Variants in ATP6AP2 observed in about 807,000 individuals in gnomAD.
The protein encoded by ATP6AP2 is ATPase H+ transporting accessory protein 2, also known as renin receptor.
Under a neutral mutation model 23.4 loss-of-function variants are expected in ATP6AP2, and 1 was observed. The ratio of observed to expected loss-of-function variants is 0.04; its 90% CI spans 0.02 to 0.20. The LOEUF is 0.20. Among genes scored for constraint, ATP6AP2 ranks in the 10% least tolerant of loss-of-function variants. The pLI, the probability that ATP6AP2 is intolerant of heterozygous loss-of-function variation, is 1.00. For synonymous variants in ATP6AP2, 90 were observed against 97.1 expected, an observed-to-expected ratio of 0.93 and a Z score of 0.43; for missense variants, 174 against 271.3, an observed-to-expected ratio of 0.64 and a Z score of 2.52.
chrX:40,588,334 GCCC>G (rs58929123), intron 1 of ATP6AP2, among the ~76,000 whole-genome samples: 41 of 12,413 alleles, frequency 3.3e-3, no homozygotes, highest in African/African-American at 6.1e-3. Context: ...TGACATGTAT[GCCC>G]CCCCCCCCCC....
At chrX:40,588,338 C>CG (rs199833085) in intron 1 of ATP6AP2, among the ~76,000 whole-genome samples, 3 of 43,601 alleles carry the variant, frequency 6.9e-5, no homozygotes, top group Middle Eastern at 0.024. Flanking sequence ...ATGTATGCCC[C>CG]CCCCCCCCCC....
intron 1 of ATP6AP2, among the ~76,000 whole-genome samples, chrX:40,588,211 A>G (rs1176986269): frequency 8.0e-5 from 9 of 111,805 alleles, no homozygotes; most frequent in Admixed American, 2.8e-4. Context: ...TCCTTAGACT[A>G]GTTGACTTTA....
chrX:40,583,608 G>A (rs1926384602), intron 1 of ATP6AP2, among the ~76,000 whole-genome samples: 2 of 111,517 alleles, frequency 1.8e-5, no homozygotes, highest in Admixed American at 1.9e-4. Flanking sequence ...TAAGCAGAAG[G>A]GTGAATGATC....
At chrX:40,582,562 G>T in intron 1 of ATP6AP2, among the ~76,000 whole-genome samples, 1 of 111,797 alleles carries the variant, frequency 8.9e-6, no homozygotes, top group Non-Finnish European at 1.9e-5. Flanking sequence ...GAGGTGCGGG[G>T]GTTTTGTGTG....
At chrX:40,597,855 C>T in intron 5 of ATP6AP2, 191 bp downstream of exon 5, 1 of 431,148 alleles carries the variant, frequency 2.3e-6, no homozygotes. Flanking sequence ...CCTTATACTA[C>T]TTGAAATTTT....
rs1450455949 is a variant in ATP6AP2, at chrX:40,591,340, G to C, written c.275G>C (p.Ser92Thr). 1 of 1,211,188 alleles carries C rather than the reference G, an allele frequency of 8.3e-7. No homozygotes were observed. ...AACAAACTGGCTCTACCCCCAGGCA[G>C]TGTCATTTCGTACCCTTTGGAGAAT... Reference protein sequence around the residue: ...GVNKLALPPGSVISYPLENAV... With the variant: ...GVNKLALPPGTVISYPLENAV... Residue 92 changes from serine (S) to threonine (T), a missense_variant, in exon 3 of 9, where the codon AGT becomes ACT. Transcript: ENST00000636580.
At chrX:40,582,282 G>A (rs1424322437) in intron 1 of ATP6AP2, among the ~76,000 whole-genome samples, 2 of 112,119 alleles carry the variant, frequency 1.8e-5, no homozygotes, top group Non-Finnish European at 3.8e-5. Context: ...ATAAAAATTA[G>A]CCGGGTGTGT....
intron 7 of ATP6AP2, 23 bp downstream of exon 7, chrX:40,599,764 A>T: frequency 8.3e-7 from 1 of 1,207,942 alleles, no homozygotes; most frequent in Non-Finnish European, 1.1e-6. Context: ...GCGACATGAG[A>T]GGTTGGAGTA....
At chrX:40,590,257 T>G (rs1252089609) in intron 2 of ATP6AP2, 1 of 112,238 alleles carries the variant, frequency 8.9e-6, no homozygotes, top group East Asian at 2.8e-4. Context: ...CGCTATGTTG[T>G]CCAGGCTGGT....
chrX:40,594,023 A>T (rs917224774), intron 3 of ATP6AP2, among the ~76,000 whole-genome samples: 8 of 111,570 alleles, frequency 7.2e-5, no homozygotes, highest in Admixed American at 9.6e-5. Context: ...TGACTATATT[A>T]AATAATAATG....
chrX:40,606,395 A>G lies in ATP6AP2; in HGVS notation c.*640A>G, dbSNP rs1927070766. 8.9e-5 allele frequency: 10 copies of G among 112,539 alleles called. No homozygotes were observed. Among genetic ancestry groups the G allele is most frequent in the Admixed American group, 8.5e-4 (9 of 10,546 alleles). 9.3% of individuals were successfully genotyped at this position (112,539 alleles called of 1,213,427 possible). The stretch of plus-strand genomic sequence containing the variant: ...AAATACTACATTGATCTAAGAAGAA[A>G]CTAGCCTTGTGGAGTATATAGATGC... On this transcript the variant is annotated 3_prime_UTR_variant, in exon 9 of 9. Transcript: ENST00000636580.
intron 2 of ATP6AP2, chrX:40,589,557 G>T: frequency 8.5e-6 from 1 of 117,287 alleles, no homozygotes; most frequent in Non-Finnish European, 1.7e-5. Context: ...TCTACTTTCT[G>T]GTTTTTTTTT....
At chrX:40,605,040 TCTC>T (rs775431651) in intron 8 of ATP6AP2, 1 of 113,191 alleles carries the variant, frequency 8.8e-6, no homozygotes, top group Non-Finnish European at 1.8e-5. Flanking sequence ...TTCAAGCAGT[TCTC>T]CTGCCTCAGC....
At chrX:40,602,509 G>C (rs1287018654) in intron 8 of ATP6AP2, among the ~76,000 whole-genome samples, 1 of 107,143 alleles carries the variant, frequency 9.3e-6, no homozygotes, top group African/African-American at 3.5e-5. Context: ...AATCAGCCGG[G>C]CGTGGTGGCG....
At chrX:40,593,053 G>T (rs778172277) in intron 3 of ATP6AP2, among the ~76,000 whole-genome samples, 11 of 112,068 alleles carry the variant, frequency 9.8e-5, no homozygotes, top group South Asian at 3.7e-4. Context: ...TCCGAGACCA[G>T]CCTGGCCAAC....
intron 7 of ATP6AP2, 101 bp downstream of exon 7, chrX:40,599,842 A>C (rs920388638): frequency 9.5e-7 from 1 of 1,047,664 alleles, no homozygotes; most frequent in Non-Finnish European, 1.3e-6. Context: ...TTGAACTCTT[A>C]TTTGCCTTCT....
At chrX:40,595,244 A>G (rs977687903) in intron 3 of ATP6AP2, among the ~76,000 whole-genome samples, 1 of 112,168 alleles carries the variant, frequency 8.9e-6, no homozygotes, top group Middle Eastern at 4.6e-3. Flanking sequence ...TGGCTGCTCA[A>G]TGCTTTTCCT....
At chrX:40,596,919 C>T in intron 3 of ATP6AP2, 1 of 177,877 alleles carries the variant, frequency 5.6e-6, no homozygotes, top group Non-Finnish European at 1.1e-5. Context: ...TTCATCGTGG[C>T]ACATTTAGTC....
Position 40,591,287 on chromosome X carries a change from T to G in ATP6AP2, c.222T>G (p.Ala74=), listed in dbSNP as rs771044157. The change falls in exon 3 of 9, where the codon GCT becomes GCG. Residue 74 remains alanine, a synonymous_variant. Coordinates refer to ENST00000636580, the MANE Select transcript of ATP6AP2 (RefSeq NM_005765.3). ...AVGNLFHRPR[A]TVMVMVKGVN... ...GTAACCTGTTTCATCGTCCTCGGGC[T>G]ACCGTCATGGTGATGGTGAAGGGAG... 3.3e-6 allele frequency: 4 copies of G among 1,209,316 alleles called. No individual in the cohort carries two copies. The African/African-American group carries it at 5.2e-5, about 16-fold the overall frequency.
Sources: gnomAD v4.1 joint callset for allele counts (sites outside exome capture counted in the v4.1 genomes callset) on GRCh38, gnomAD v4.1.1 for gene constraint, MANE v1.5 for transcripts, NCBI Gene and HGNC (gene_info 2026-07-23, HGNC 2026-07-21) for gene names.